The following SEC24A variants were observed in gnomAD, a reference collection of about 807,000 sequenced individuals.
SEC24A encodes SEC24 homolog A, COPII component.
In SEC24A, 93 loss-of-function variants were observed where a neutral mutation model predicts 129.4. The ratio of observed to expected loss-of-function variants is 0.72; its 90% CI spans 0.61 to 0.85. The LOEUF is 0.85. SEC24A is among the 40% of genes least tolerant of loss of function. The pLI is 0.00. For synonymous variants in SEC24A, 460 were observed against 467.3 expected, an observed-to-expected ratio of 0.98 and a Z score of 0.20; for missense variants, 1,264 against 1,307.4, an observed-to-expected ratio of 0.97 and a Z score of 0.51.
At position 134,678,370 on chromosome 5, in the gene SEC24A, G is replaced by T. The variant is rs149172171; in HGVS notation, c.1255-1232G>T. ...CATTGGTCATATATTTTAGAATGTT[G>T]ATTTTTTTTTCTTTGCCATTTATGC... On this transcript the variant is annotated intron_variant, in intron 7 of 22. Transcript: ENST00000398844. 6.5e-3 allele frequency among the ~76,000 whole-genome samples: 993 copies of T among 151,814 alleles called. 11 individuals carry two copies. Among genetic ancestry groups the T allele is most frequent in the African/African-American group, 0.023 (969 of 41,414 alleles).
At chr5:134,650,004 T>C (rs868750952) in intron 1 of SEC24A, among the ~76,000 whole-genome samples, 31 of 152,146 alleles carry the variant, frequency 2.0e-4, no homozygotes, top group African/African-American at 7.5e-4. Context: ...ATAAGACTAG[T>C]AGAATAATGC....
intron 1 of SEC24A, among the ~76,000 whole-genome samples, chr5:134,655,133 G>A (rs552611555): frequency 3.9e-5 from 6 of 152,062 alleles, no homozygotes; most frequent in Non-Finnish European, 4.4e-5. Context: ...CACCGCACCC[G>A]GCCACATGAG....
intron 1 of SEC24A, among the ~76,000 whole-genome samples, chr5:134,658,037 G>C (rs1449622553): frequency 6.6e-6 from 1 of 152,156 alleles, no homozygotes; most frequent in African/African-American, 2.4e-5. Context: ...GGGAGGCTGA[G>C]GTGGCCAGAT....
At chr5:134,692,138 C>T (rs920965116) in intron 11 of SEC24A, among the ~76,000 whole-genome samples, 1 of 149,366 alleles carries the variant, frequency 6.7e-6, no homozygotes, top group Non-Finnish European at 1.5e-5. Flanking sequence ...TGGCTCACTG[C>T]AGCCTCAGCC....
At position 134,648,954 on chromosome 5, in the gene SEC24A, C is replaced by T. The variant is rs956285573; in HGVS notation, c.-123C>T. The T allele has an allele frequency of 1.9e-4, 121 of 646,582 alleles. No homozygotes were observed. The highest frequency in any genetic ancestry group is 2.6e-4 in the Non-Finnish European group (98 of 376,264). 40.1% of individuals were successfully genotyped at this position (646,582 alleles called of 1,614,324 possible). The stretch of plus-strand genomic sequence containing the variant: ...ATGCCTCGGGCTTAATGCGCCCCCC[C>T]CTCTTCTCCCAGTCTTCAGTCTTAA... On this transcript the variant is annotated 5_prime_UTR_variant, in exon 1 of 23. Transcript: ENST00000398844.
At chr5:134,678,823 AC>A (rs1401801253) in intron 7 of SEC24A, among the ~76,000 whole-genome samples, 1 of 151,940 alleles carries the variant, frequency 6.6e-6, no homozygotes, top group East Asian at 1.9e-4. Flanking sequence ...CTCGCGTTCC[AC>A]CCGCCTTGGC....
At chr5:134,719,048 T>C (rs986202698) in intron 20 of SEC24A, among the ~76,000 whole-genome samples, 4 of 151,800 alleles carry the variant, frequency 2.6e-5, no homozygotes, top group African/African-American at 9.7e-5. Flanking sequence ...CTGTACAATG[T>C]GTGTTTTAAG....
intron 7 of SEC24A, among the ~76,000 whole-genome samples, chr5:134,676,461 T>TTC (rs70976554): frequency 3.4e-5 from 5 of 146,448 alleles, no homozygotes; most frequent in African/African-American, 1.3e-4. Context: ...TTTTTTTTTT[T>TTC]CTGAGACTGG....
intron 7 of SEC24A, among the ~76,000 whole-genome samples, chr5:134,676,837 T>C (rs919878589): frequency 5.9e-5 from 9 of 152,270 alleles, no homozygotes; most frequent in Admixed American, 5.9e-4. Flanking sequence ...GATCTGTCTT[T>C]AGGAAGTCGA....
At chr5:134,718,678 T>C (rs922709095) in intron 20 of SEC24A, among the ~76,000 whole-genome samples, 1 of 152,038 alleles carries the variant, frequency 6.6e-6, no homozygotes, top group East Asian at 1.9e-4. Flanking sequence ...AGATAAAAAA[T>C]TTTAAAAATA....
intron 1 of SEC24A, 28 bp downstream of exon 1, chr5:134,649,201 G>C (rs1489543747): frequency 1.3e-6 from 2 of 1,534,080 alleles, no homozygotes; most frequent in East Asian, 2.4e-5. Flanking sequence ...GGAGGGCGCA[G>C]CCTGGCCAGG....
Position 134,676,143 on chromosome 5 carries a change from T to C in SEC24A, c.1254+18T>C, listed in dbSNP as rs1373206894. On this transcript the variant is annotated intron_variant, in intron 7 of 22. Transcript: ENST00000398844. ...ACTTAGTGGTATGTTTCTTTTCTTT[T>C]CTTTTTTTTTTTTTGAGACGGAGTC... 7.8e-6 allele frequency: 12 copies of C among 1,546,712 alleles called. No individual in the cohort carries two copies. The highest frequency in any genetic ancestry group is 8.8e-6 in the Non-Finnish European group (10 of 1,136,352).
intron 22 of SEC24A, 60 bp downstream of exon 22, chr5:134,723,730 G>C: frequency 2.1e-6 from 2 of 963,872 alleles, no homozygotes; most frequent in Non-Finnish European, 3.3e-6. Flanking sequence ...GCCAGGACCT[G>C]ACAAGAGTAT....
intron 18 of SEC24A, 52 bp downstream of exon 18, chr5:134,708,940 C>CT: frequency 1.9e-6 from 3 of 1,542,834 alleles, no homozygotes; most frequent in South Asian, 1.2e-5. Flanking sequence ...GCACTGTGGC[C>CT]TACACCTGCA....
At chr5:134,721,244 A>G (rs915959612) in intron 21 of SEC24A, among the ~76,000 whole-genome samples, 154 bp downstream of exon 21, 1 of 151,952 alleles carries the variant, frequency 6.6e-6, no homozygotes, top group Non-Finnish European at 1.5e-5. Context: ...GACTCCACTC[A>G]TAGAATCATT....
At chr5:134,723,795 A>G in intron 22 of SEC24A, 125 bp downstream of exon 22, 1 of 616,184 alleles carries the variant, frequency 1.6e-6, no homozygotes, top group South Asian at 2.1e-5. Flanking sequence ...GCAGTAAATC[A>G]TACCTTATAT....
chr5:134,658,085 AT>A (rs1750310251), intron 1 of SEC24A, among the ~76,000 whole-genome samples: 1 of 152,168 alleles, frequency 6.6e-6, no homozygotes, highest in Admixed American at 6.5e-5. Context: ...CCTGGCCAAC[AT>A]GGTGAAATCC....
intron 16 of SEC24A, 74 bp from the exon 17 acceptor site, chr5:134,705,253 T>C: frequency 8.4e-7 from 1 of 1,192,940 alleles, no homozygotes; most frequent in Non-Finnish European, 1.2e-6. Context: ...GAAGTGATTT[T>C]TCCAAGTGAC....
chr5:134,705,070 T>TTATATTTATATATA (rs1554141295), intron 16 of SEC24A, among the ~76,000 whole-genome samples: 3 of 133,334 alleles, frequency 2.2e-5, no homozygotes, highest in African/African-American at 8.5e-5. Context: ...ATATTTATAT[T>TTATATTTATATATA]TATATATATA....
Sources: allele counts gnomAD v4.1 joint callset (sites outside exome capture counted in the v4.1 genomes callset), GRCh38; gene constraint gnomAD v4.1.1; transcripts MANE v1.5; gene names NCBI Gene and HGNC (gene_info 2026-07-23, HGNC 2026-07-21).